HEATR5A: variants seen among roughly 807,000 people sequenced by gnomAD.
The protein encoded by HEATR5A is HEAT repeat-containing protein 5A.
In HEATR5A, 178 loss-of-function variants were observed where a neutral mutation model predicts 218.8. That is an observed-to-expected ratio of 0.81 (90% CI 0.72 to 0.92). HEATR5A has a LOEUF of 0.92. Among genes scored for constraint, HEATR5A ranks in the 40% least tolerant of loss-of-function variants. The probability of loss-of-function intolerance (pLI) is 0.00; values close to 1 mark genes in which losing one functional copy is unlikely to be tolerated. For missense variants in HEATR5A, 2,420 were observed against 2,418.9 expected (o/e 1.00, Z -0.01); for synonymous variants, 864 against 871.6 (o/e 0.99, Z 0.15).
intron 22 of HEATR5A, among the ~76,000 whole-genome samples, chr14:31,334,925 G>C (rs917079392): frequency 1.6e-5 from 2 of 122,908 alleles, no homozygotes; most frequent in Non-Finnish European, 3.2e-5. Flanking sequence ...CAGCCTGGGT[G>C]ACAGAGCAAG....
rs2031614789 is a variant in HEATR5A, at chr14:31,420,526, T to G, written c.-129A>C. On this transcript the variant is annotated 5_prime_UTR_variant, in exon 1 of 36. Coordinates refer to ENST00000543095, the MANE Select transcript of HEATR5A (RefSeq NM_015473.4). ...GTCCCGGTCCAGCAACGTTACCGGC[T>G]GCTCTGCTAACCCTAGCAGAGTCTG... 2 of 152,392 alleles carry G rather than the reference T, an allele frequency of 1.3e-5. No homozygotes were observed. The highest frequency in any genetic ancestry group is 2.9e-5 in the Non-Finnish European group (2 of 68,172). The allele number at this position is 152,392 out of a possible 1,614,324, so 9.4% of individuals were successfully genotyped here. A position where few individuals can be genotyped will look rare whatever the true frequency, so the allele number is the denominator to read the frequency against.
chr14:31,321,730 A>G (rs1474086551), intron 24 of HEATR5A, 50 bp from the exon 25 acceptor site: 3 of 1,381,772 alleles, frequency 2.2e-6, no homozygotes, highest in Non-Finnish European at 2.0e-6. Flanking sequence ...GAAAATATCA[A>G]AAAAATGTGC....
At chr14:31,293,849 A>AT in intron 35 of HEATR5A, 42 bp downstream of exon 35, 2 of 1,484,814 alleles carry the variant, frequency 1.3e-6, no homozygotes, top group Non-Finnish European at 1.8e-6. Flanking sequence ...TAAAATTCTG[A>AT]TTTTTGTTGA....
intron 28 of HEATR5A, among the ~76,000 whole-genome samples, chr14:31,312,611 C>T (rs943290753): frequency 1.3e-5 from 2 of 152,060 alleles, no homozygotes; most frequent in Admixed American, 1.3e-4. Context: ...TGGGGTTTCA[C>T]CATGTTGGCC....
At chr14:31,335,352 AT>A (rs890845483) in intron 22 of HEATR5A, among the ~76,000 whole-genome samples, 109 of 145,854 alleles carry the variant, frequency 7.5e-4, no homozygotes, top group African/African-American at 7.2e-4. Flanking sequence ...AAAAGTTTTT[AT>A]TTTTTTTTTT....
chr14:31,320,982 T>C (rs1031249101), intron 25 of HEATR5A, among the ~76,000 whole-genome samples: 3 of 152,156 alleles, frequency 2.0e-5, no homozygotes, highest in East Asian at 3.9e-4. Flanking sequence ...ATATATGGAA[T>C]ATACTGGTGA....
chr14:31,351,215 A>G (rs1383585389), intron 16 of HEATR5A, among the ~76,000 whole-genome samples: 1 of 152,256 alleles, frequency 6.6e-6, no homozygotes, highest in Non-Finnish European at 1.5e-5. Context: ...ATATTGATAT[A>G]ACTCCACAAA....
intron 2 of HEATR5A, among the ~76,000 whole-genome samples, chr14:31,402,096 T>G (rs772710782): frequency 6.6e-6 from 1 of 152,094 alleles, no homozygotes; most frequent in Non-Finnish European, 1.5e-5. Flanking sequence ...ATAACTAGAG[T>G]CACACAGCTC....
chr14:31,402,932 T>C lies in HEATR5A; in HGVS notation c.44A>G (p.Asn15Ser), dbSNP rs771655507. 5.2e-6 allele frequency: 8 copies of C among 1,536,072 alleles called. No individual in the cohort carries two copies. Among genetic ancestry groups the C allele is most frequent in the African/African-American group, 2.7e-5 (2 of 73,030 alleles). The change falls in exon 2 of 36, where the codon AAT becomes AGT. Residue 15 changes from asparagine to serine, a missense_variant. Asn to Ser is a conservative substitution (Grantham distance 46). Transcript: ENST00000543095. Reference protein sequence around the residue: ...HSLLLNEEAYNQLGEVQKAEF... With the variant: ...HSLLLNEEAYSQLGEVQKAEF... ...TGCCTTCTGAACTTCACCTAGTTGA[T>C]TGTATGCTTCTTCATTCAGCAGTAA...
intron 6 of HEATR5A, among the ~76,000 whole-genome samples, chr14:31,389,232 G>A (rs2030354806): frequency 6.6e-6 from 1 of 152,180 alleles, no homozygotes; most frequent in Admixed American, 6.5e-5. Context: ...TAGAGACTAT[G>A]ACTAAGATCA....
chr14:31,401,983 ATT>A (rs1436855449), intron 2 of HEATR5A, among the ~76,000 whole-genome samples: 1 of 152,070 alleles, frequency 6.6e-6, no homozygotes, highest in African/African-American at 2.4e-5. Context: ...ACAATAAAAT[ATT>A]TGTCAGTGTA....
chr14:31,304,628 G>C (rs978678050), intron 32 of HEATR5A, among the ~76,000 whole-genome samples: 2 of 152,140 alleles, frequency 1.3e-5, no homozygotes, highest in African/African-American at 4.8e-5. Flanking sequence ...TGTTGGTCAG[G>C]CTGGTCTCGA....
rs558858833 is a variant in HEATR5A, at chr14:31,372,879, T to G, written c.1862-970A>C. Among the ~76,000 whole-genome samples the G allele has an allele frequency of 4.6e-5, 7 of 150,998 alleles. No individual in the cohort carries two copies. In the East Asian group the frequency reaches 1.4e-3, roughly 29 times the overall value. ...ATCAATTCTTTTCTCTCTTTCGCTCTCTCTCTCCCTCTCTCTCTCTCTCCC... is the reference window on the plus strand; with the variant it reads ...ATCAATTCTTTTCTCTCTTTCGCTCGCTCTCTCCCTCTCTCTCTCTCTCCC... On this transcript the variant is annotated intron_variant, in intron 12 of 35. Coordinates refer to ENST00000543095, the MANE Select transcript of HEATR5A (RefSeq NM_015473.4).
chr14:31,400,910 G>A (rs568522327), intron 2 of HEATR5A, among the ~76,000 whole-genome samples: 19 of 151,172 alleles, frequency 1.3e-4, no homozygotes, highest in Non-Finnish European at 2.2e-4. Context: ...CCCGATCTCC[G>A]GTCACTGCAA....
intron 16 of HEATR5A, 28 bp downstream of exon 16, chr14:31,358,609 C>A: frequency 1.3e-6 from 2 of 1,590,190 alleles, no homozygotes; most frequent in Non-Finnish European, 1.7e-6. Flanking sequence ...CTCTATTATC[C>A]ATTCACTGAA....
At chr14:31,413,849 T>C (rs966642065) in intron 1 of HEATR5A, among the ~76,000 whole-genome samples, 1 of 152,246 alleles carries the variant, frequency 6.6e-6, no homozygotes, top group Non-Finnish European at 1.5e-5. Flanking sequence ...CTACTTCATA[T>C]AGTCTCTACA....
intron 16 of HEATR5A, among the ~76,000 whole-genome samples, chr14:31,357,595 GT>G (rs754266253): frequency 6.6e-6 from 1 of 152,266 alleles, no homozygotes; most frequent in Non-Finnish European, 1.5e-5. Flanking sequence ...AAATGTATAT[GT>G]CCAGTTACTA....
At chr14:31,353,960 G>A (rs1325610469) in intron 16 of HEATR5A, among the ~76,000 whole-genome samples, 1 of 151,816 alleles carries the variant, frequency 6.6e-6, no homozygotes, top group Non-Finnish European at 1.5e-5. Context: ...CACTACACCT[G>A]GCTAATTTTT....
intron 21 of HEATR5A, among the ~76,000 whole-genome samples, chr14:31,339,952 G>T (rs1435139890): frequency 2.0e-5 from 3 of 152,108 alleles, no homozygotes; most frequent in African/African-American, 4.8e-5. Context: ...TACAAAGCAG[G>T]TGCAGCATTT....
Sources: allele counts gnomAD v4.1 joint callset (sites outside exome capture counted in the v4.1 genomes callset), GRCh38; gene constraint gnomAD v4.1.1; transcripts MANE v1.5; gene names NCBI Gene and HGNC (gene_info 2026-07-23, HGNC 2026-07-21).